RABGAP1L: variants seen among roughly 807,000 people sequenced by gnomAD.
RABGAP1L encodes rab GTPase-activating protein 1-like.
In RABGAP1L, 63 loss-of-function variants were observed where a neutral mutation model predicts 137.7. That is an observed-to-expected ratio of 0.46 (90% CI 0.37 to 0.56). The LOEUF (loss-of-function observed/expected upper bound fraction) is 0.56, where lower values mean the gene tolerates loss of function less well. Ranked by LOEUF, RABGAP1L falls within the 20% of genes least tolerant of loss-of-function variation. The pLI is 0.00. For missense variants in RABGAP1L, 1,095 were observed against 1,244.0 expected (o/e 0.88, Z 1.80); for synonymous variants, 431 against 433.7 (o/e 0.99, Z 0.08).
At chr1:174,861,246 A>G (rs1173240037) in intron 19 of RABGAP1L, among the ~76,000 whole-genome samples, 1 of 152,122 alleles carries the variant, frequency 6.6e-6, no homozygotes, top group African/African-American at 2.4e-5. Flanking sequence ...AGCTTCATCC[A>G]TGTTGTCATG....
At chr1:174,946,879 C>A (rs1211378274) in intron 19 of RABGAP1L, among the ~76,000 whole-genome samples, 2 of 99,694 alleles carry the variant, frequency 2.0e-5, no homozygotes, top group African/African-American at 4.2e-5. Context: ...CCAGCCTGGG[C>A]AAAAGAGCGA....
chr1:174,973,573 C>T (rs55774740), intron 21 of RABGAP1L, among the ~76,000 whole-genome samples: 30,180 of 151,702 alleles, frequency 0.2, 3,293 homozygotes, highest in Admixed American at 0.24. Flanking sequence ...TTAATAGAGA[C>T]GGGGTTTCAC....
At chr1:174,442,857 T>G (rs1654312503) in intron 13 of RABGAP1L, among the ~76,000 whole-genome samples, 1 of 152,136 alleles carries the variant, frequency 6.6e-6, no homozygotes, top group Non-Finnish European at 1.5e-5. Context: ...TTATCCAACT[T>G]CTTTTCATTC....
Position 174,629,900 on chromosome 1 carries a change from T to A in RABGAP1L, c.1711-7475T>A, listed in dbSNP as rs1572595942. 2.0e-5 allele frequency among the ~76,000 whole-genome samples: 3 copies of A among 152,136 alleles called. No homozygotes were observed. The South Asian group carries it at 6.2e-4, about 31-fold the overall frequency. On this transcript the variant is annotated intron_variant, in intron 13 of 25. Coordinates refer to ENST00000681986, the MANE Select transcript of RABGAP1L (RefSeq NM_001366446.1). ...TCCTTTATTTCTTAAATATGGAAGG[T>A]CAAGTGTGCATAGAAAAAAATTACT...
intron 13 of RABGAP1L, among the ~76,000 whole-genome samples, chr1:174,469,390 C>T (rs944516626): frequency 2.0e-5 from 3 of 152,166 alleles, no homozygotes; most frequent in African/African-American, 7.2e-5. Context: ...ACTAATCCAA[C>T]ATTTCTCAGA....
At chr1:174,884,952 T>C (rs1186977410) in intron 19 of RABGAP1L, among the ~76,000 whole-genome samples, 2 of 152,230 alleles carry the variant, frequency 1.3e-5, no homozygotes, top group Non-Finnish European at 2.9e-5. Flanking sequence ...GTGAGTTTTG[T>C]GATAGTATAG....
chr1:174,305,693 A>G (rs1317839732), intron 11 of RABGAP1L, among the ~76,000 whole-genome samples: 1 of 150,954 alleles, frequency 6.6e-6, no homozygotes, highest in African/African-American at 2.4e-5. Context: ...CCCTCAATTA[A>G]TTTTTTAAAT....
At chr1:174,293,654 G>C (rs941002452) in intron 10 of RABGAP1L, among the ~76,000 whole-genome samples, 3 of 152,084 alleles carry the variant, frequency 2.0e-5, no homozygotes, top group Non-Finnish European at 4.4e-5. Context: ...TCTACTTGAA[G>C]TGTCACTATA....
In RABGAP1L at chr1:174,992,149, TC is replaced by T; in HGVS notation, c.*2154del. On this transcript the variant is annotated 3_prime_UTR_variant, in exon 26 of 26. Transcript: ENST00000681986. ...CCTTTTAAAGAGGAGAAGAGAAAAA[TC>T]CCCCCTGGCCAGGCATGGTGGCTCA... is the stretch of plus-strand genomic sequence containing the variant. 1 of 151,878 alleles carries T rather than the reference TC, an allele frequency of 6.6e-6. No individual in the cohort carries two copies. Among genetic ancestry groups the T allele is most frequent in the Non-Finnish European group, 1.5e-5 (1 of 67,978 alleles). The allele number at this position is 151,878 out of a possible 1,614,324, so 9.4% of individuals were successfully genotyped here. A position where few individuals can be genotyped will look rare whatever the true frequency, so the allele number is the denominator to read the frequency against.
intron 19 of RABGAP1L, among the ~76,000 whole-genome samples, chr1:174,884,293 T>C (rs1360095213): frequency 6.6e-6 from 1 of 152,210 alleles, no homozygotes; most frequent in African/African-American, 2.4e-5. Context: ...AATTACTTCC[T>C]CCTTATCGGA....
intron 3 of RABGAP1L, among the ~76,000 whole-genome samples, chr1:174,226,039 A>G (rs528967086): frequency 6.6e-6 from 1 of 152,222 alleles, no homozygotes; most frequent in African/African-American, 2.4e-5. Flanking sequence ...AAAACAAAAC[A>G]GAAACAAGTC....
chr1:174,209,773 T>A (rs889718269), intron 1 of RABGAP1L, among the ~76,000 whole-genome samples: 1 of 152,156 alleles, frequency 6.6e-6, no homozygotes, highest in Admixed American at 6.5e-5. Context: ...CAGGTAGTGC[T>A]TACAGCAGGC....
At chr1:174,371,305 T>C (rs769629899) in intron 12 of RABGAP1L, among the ~76,000 whole-genome samples, 14 of 152,074 alleles carry the variant, frequency 9.2e-5, no homozygotes, top group Non-Finnish European at 1.6e-4. Flanking sequence ...TTAGAAGATG[T>C]CTTTGTCTTA....
At chr1:174,918,296 T>C (rs1661208682) in intron 19 of RABGAP1L, among the ~76,000 whole-genome samples, 1 of 152,226 alleles carries the variant, frequency 6.6e-6, no homozygotes. Flanking sequence ...TTTGTTTCTA[T>C]GATTCTGTAG....
At chr1:174,247,741 A>AT (rs1202224527) in intron 5 of RABGAP1L, among the ~76,000 whole-genome samples, 1 of 152,160 alleles carries the variant, frequency 6.6e-6, no homozygotes, top group African/African-American at 2.4e-5. Flanking sequence ...CGTGAATTGC[A>AT]TGCCTAGTCA....
rs557182445 is a variant in RABGAP1L, at chr1:174,380,516, G to A, written c.1559+9444G>A. ...TCAACTTCTTCCTGGTTTAGTCTTG[G>A]GAGAGTGTATGTGTCAAGGAATATA... On this transcript the variant is annotated intron_variant, in intron 12 of 25. Coordinates refer to ENST00000681986, the MANE Select transcript of RABGAP1L (RefSeq NM_001366446.1). Among the ~76,000 whole-genome samples, 9 of 151,874 alleles carry A rather than the reference G, an allele frequency of 5.9e-5. No homozygotes were observed. In the South Asian group the frequency reaches 1.7e-3, roughly 28 times the overall value.
intron 17 of RABGAP1L, among the ~76,000 whole-genome samples, chr1:174,706,010 T>TA (rs1410693376): frequency 1.3e-5 from 2 of 152,204 alleles, no homozygotes; most frequent in Non-Finnish European, 2.9e-5. Flanking sequence ...TTCAAAGTTT[T>TA]ACATTCTGAT....
intron 11 of RABGAP1L, among the ~76,000 whole-genome samples, chr1:174,315,783 G>A (rs1267354783): frequency 6.6e-6 from 1 of 151,558 alleles, no homozygotes; most frequent in Non-Finnish European, 1.5e-5. Context: ...CTTGAATATT[G>A]GTATCTTTCT....
Position 174,994,895 on chromosome 1 carries a change from G to A in RABGAP1L, c.*4894G>A, listed in dbSNP as rs758332946. 1 of 152,156 alleles carries A rather than the reference G, an allele frequency of 6.6e-6. No individual in the cohort carries two copies. Among genetic ancestry groups the A allele is most frequent in the Non-Finnish European group, 1.5e-5 (1 of 68,010 alleles). The allele number at this position is 152,156 out of a possible 1,614,324, so 9.4% of individuals were successfully genotyped here. A position where few individuals can be genotyped will look rare whatever the true frequency, so the allele number is the denominator to read the frequency against. ...TATGAATTCCATTATTTTGTCCATG[G>A]CATCTCTAATGAAAACAGGTTCTAG... is the stretch of plus-strand genomic sequence containing the variant. On this transcript the variant is annotated 3_prime_UTR_variant, in exon 26 of 26. Transcript: ENST00000681986.
Sources: allele counts gnomAD v4.1 joint callset (sites outside exome capture counted in the v4.1 genomes callset), GRCh38; gene constraint gnomAD v4.1.1; transcripts MANE v1.5; gene names NCBI Gene and HGNC (gene_info 2026-07-23, HGNC 2026-07-21).